Variants in IL1RAPL2 observed in about 807,000 individuals in gnomAD.
IL1RAPL2 encodes X-linked interleukin-1 receptor accessory protein-like 2.
A neutral mutation model predicts 44.1 loss-of-function variants in IL1RAPL2; 3 were observed. That is an observed-to-expected ratio of 0.07 (90% CI 0.03 to 0.18). The LOEUF (loss-of-function observed/expected upper bound fraction) is 0.18, where lower values mean the gene tolerates loss of function less well. Ranked by LOEUF, IL1RAPL2 falls within the 10% of genes least tolerant of loss-of-function variation. The probability of loss-of-function intolerance (pLI) is 1.00; values close to 1 mark genes in which losing one functional copy is unlikely to be tolerated. For missense variants in IL1RAPL2, 391 were observed against 496.4 expected (o/e 0.79, Z 2.02); for synonymous variants, 181 against 178.8 (o/e 1.01, Z -0.10).
intron 10 of IL1RAPL2, among the ~76,000 whole-genome samples, chrX:105,758,384 TAC>T (rs994861631): frequency 9.2e-6 from 1 of 109,068 alleles, no homozygotes; most frequent in African/African-American, 3.4e-5. Context: ...CTTTCCAATG[TAC>T]ACAGTTTCGA....
chrX:105,250,345 G>C (rs2034258978), intron 4 of IL1RAPL2, among the ~76,000 whole-genome samples: 1 of 111,222 alleles, frequency 9.0e-6, no homozygotes, highest in African/African-American at 3.3e-5. Flanking sequence ...CAATTGGACT[G>C]TACAAAACAC....
chrX:104,636,904 A>G (rs939163005), intron 1 of IL1RAPL2, among the ~76,000 whole-genome samples: 1 of 111,219 alleles, frequency 9.0e-6, no homozygotes, highest in Non-Finnish European at 1.9e-5. Context: ...CTCAGTTGGA[A>G]ATGCAGAAAT....
chrX:105,395,058 C>A (rs1210265941), intron 5 of IL1RAPL2, among the ~76,000 whole-genome samples: 1 of 110,885 alleles, frequency 9.0e-6, no homozygotes, highest in Non-Finnish European at 1.9e-5. Context: ...AACTGTAACT[C>A]CCCAGAAAGT....
intron 6 of IL1RAPL2, among the ~76,000 whole-genome samples, chrX:105,653,978 A>G (rs969253547): frequency 5.5e-5 from 6 of 109,647 alleles, no homozygotes; most frequent in African/African-American, 1.3e-4. Context: ...CACACACACA[A>G]ACACACACAC....
At position 105,191,499 on chromosome X, in the gene IL1RAPL2, G is replaced by C. The variant is rs1374393111; in HGVS notation, c.83-3976G>C. ...CAGAATGCTGGGATTACAGCTGTGA[G>C]CCACTGCACCCGGCCGATATTAAAG... On this transcript the variant is annotated intron_variant, in intron 2 of 10. Coordinates refer to ENST00000372582, the MANE Select transcript of IL1RAPL2 (RefSeq NM_017416.2). Among the ~76,000 whole-genome samples the C allele has an allele frequency of 2.7e-5, 3 of 112,146 alleles. No individual in the cohort carries two copies. The East Asian group carries it at 8.4e-4, about 31-fold the overall frequency.
At chrX:105,596,010 T>C (rs1001910640) in intron 6 of IL1RAPL2, among the ~76,000 whole-genome samples, 2 of 111,442 alleles carry the variant, frequency 1.8e-5, no homozygotes, top group Non-Finnish European at 3.8e-5. Flanking sequence ...CACTTTCATC[T>C]CTTTATTTAT....
chrX:104,674,034 T>A (rs1360168098), intron 2 of IL1RAPL2, among the ~76,000 whole-genome samples: 2 of 111,653 alleles, frequency 1.8e-5, no homozygotes, highest in Non-Finnish European at 3.8e-5. Flanking sequence ...TACAATCATG[T>A]CATCTGCAAA....
intron 5 of IL1RAPL2, among the ~76,000 whole-genome samples, chrX:105,276,187 C>T (rs2034484547): frequency 8.9e-6 from 1 of 112,125 alleles, no homozygotes; most frequent in African/African-American, 3.2e-5. Flanking sequence ...GGGCGGATCA[C>T]CTGAGGTTGG....
intron 2 of IL1RAPL2, among the ~76,000 whole-genome samples, chrX:104,958,022 G>T (rs1396924916): frequency 2.7e-5 from 3 of 111,849 alleles, no homozygotes; most frequent in Non-Finnish European, 3.8e-5. Flanking sequence ...AGTCCAGAAG[G>T]TTAAGGCTGC....
intron 5 of IL1RAPL2, among the ~76,000 whole-genome samples, chrX:105,272,700 A>T (rs1354358024): frequency 1.8e-5 from 2 of 112,759 alleles, no homozygotes; most frequent in Non-Finnish European, 3.7e-5. Flanking sequence ...CTTGGGGTAA[A>T]ACTACCAAGT....
chrX:105,020,129 A>G (rs927286033), intron 2 of IL1RAPL2, among the ~76,000 whole-genome samples: 2 of 110,140 alleles, frequency 1.8e-5, no homozygotes, highest in Non-Finnish European at 3.8e-5. Context: ...GTGTGCCACT[A>G]CAGCCAGCTA....
At chrX:105,672,440 C>G (rs1488833361) in intron 6 of IL1RAPL2, among the ~76,000 whole-genome samples, 1 of 112,239 alleles carries the variant, frequency 8.9e-6, no homozygotes. Context: ...CTTCCATGGT[C>G]TCCACTGATA....
intron 5 of IL1RAPL2, among the ~76,000 whole-genome samples, chrX:105,424,093 C>T (rs142043979): frequency 0.015 from 1,623 of 111,398 alleles, 9 homozygotes; most frequent in Middle Eastern, 0.051. Context: ...AATGTGAACC[C>T]CAAAAATCTG....
chrX:105,420,036 A>C (rs2035763008), intron 5 of IL1RAPL2, among the ~76,000 whole-genome samples: 1 of 111,374 alleles, frequency 9.0e-6, no homozygotes, highest in Non-Finnish European at 1.9e-5. Context: ...CACATTAAAA[A>C]AAAATGTTGG....
chrX:105,611,388 C>A (rs2037335133), intron 6 of IL1RAPL2, among the ~76,000 whole-genome samples: 1 of 111,895 alleles, frequency 8.9e-6, no homozygotes, highest in Non-Finnish European at 1.9e-5. Context: ...TAGGCTTTCA[C>A]ATTTACTGAC....
At chrX:104,912,871 G>A (rs185854579) in intron 2 of IL1RAPL2, among the ~76,000 whole-genome samples, 2 of 112,384 alleles carry the variant, frequency 1.8e-5, no homozygotes, top group African/African-American at 6.5e-5. Flanking sequence ...TAAGTACCAT[G>A]AGACTGTGAC....
intron 2 of IL1RAPL2, among the ~76,000 whole-genome samples, chrX:104,750,211 T>C (rs1157598090): frequency 1.8e-5 from 2 of 111,537 alleles, no homozygotes; most frequent in Admixed American, 1.9e-4. Flanking sequence ...GTAGTTCTTT[T>C]AATAGCCATG....
chrX:104,907,408 T>G (rs2147679463), intron 2 of IL1RAPL2, among the ~76,000 whole-genome samples: 1 of 110,864 alleles, frequency 9.0e-6, no homozygotes, highest in South Asian at 3.9e-4. Context: ...GTGTCAATTT[T>G]GGATCTTTCC....
At chrX:105,052,966 A>G (rs1224197082) in intron 2 of IL1RAPL2, among the ~76,000 whole-genome samples, 1 of 110,750 alleles carries the variant, frequency 9.0e-6, no homozygotes, top group African/African-American at 3.3e-5. Flanking sequence ...GAGTGAAAAC[A>G]TCTGCTGTTT....
Sources: gnomAD v4.1 joint callset for allele counts (sites outside exome capture counted in the v4.1 genomes callset) on GRCh38, gnomAD v4.1.1 for gene constraint, MANE v1.5 for transcripts, NCBI Gene and HGNC (gene_info 2026-07-23, HGNC 2026-07-21) for gene names.